The following FARS2 variants were observed in gnomAD, a reference collection of about 807,000 sequenced individuals.
The protein encoded by FARS2 is phenylalanyl-tRNA synthetase 2, mitochondrial, also known as phenylalanine--tRNA ligase, mitochondrial.
Under a neutral mutation model 46.4 loss-of-function variants are expected in FARS2, and 40 were observed. The ratio of observed to expected loss-of-function variants is 0.86; its 90% CI spans 0.67 to 1.12. FARS2 has a LOEUF of 1.12. Among genes scored for constraint, FARS2 ranks in the 50% most tolerant of loss-of-function variants. The pLI is 0.00. For missense variants in FARS2, 513 were observed against 567.9 expected (o/e 0.90, Z 0.98); for synonymous variants, 234 against 214.9 (o/e 1.09, Z -0.78).
chr6:5,371,130 G>T, intron 2 of FARS2: 1 of 926,834 alleles, frequency 1.1e-6, no homozygotes, highest in Non-Finnish European at 1.3e-6. Context: ...CTTTCTACGT[G>T]GGACCTGCTT....
At chr6:5,593,474 G>C (rs1184708248) in intron 5 of FARS2, among the ~76,000 whole-genome samples, 1 of 150,606 alleles carries the variant, frequency 6.6e-6, no homozygotes, top group African/African-American at 2.4e-5. Context: ...GTCTTTTTAT[G>C]CCCATCGTCT....
At chr6:5,259,418 C>T (rs530091188), upstream of FARS2, among the ~76,000 whole-genome samples, 20 of 152,196 alleles carry the variant, frequency 1.3e-4, no homozygotes, top group Non-Finnish European at 2.1e-4. Context: ...CATTCTCTCC[C>T]GTGAAATTTA....
intron 6 of FARS2, among the ~76,000 whole-genome samples, chr6:5,636,692 G>A (rs888899097): frequency 6.6e-6 from 1 of 152,154 alleles, no homozygotes; most frequent in Non-Finnish European, 1.5e-5. Flanking sequence ...CCTCGCCTTC[G>A]TCTGCTGGCT....
chr6:5,554,827 T>C (rs1319158164), intron 5 of FARS2, among the ~76,000 whole-genome samples: 2 of 152,158 alleles, frequency 1.3e-5, no homozygotes, highest in Non-Finnish European at 2.9e-5. Context: ...TCCAGAGAGC[T>C]CCTAATATTG....
At chr6:5,381,162 G>T (rs1024279254) in intron 2 of FARS2, among the ~76,000 whole-genome samples, 1 of 151,484 alleles carries the variant, frequency 6.6e-6, no homozygotes, top group Non-Finnish European at 1.5e-5. Flanking sequence ...CACCACACCC[G>T]GCTAATTTTT....
At chr6:5,739,958 C>A (rs1052476948) in intron 6 of FARS2, among the ~76,000 whole-genome samples, 1 of 152,218 alleles carries the variant, frequency 6.6e-6, no homozygotes, top group Non-Finnish European at 1.5e-5. Flanking sequence ...CTATTGCTGA[C>A]CCAATTATAC....
chr6:5,724,470 G>T (rs1001959433), intron 6 of FARS2, among the ~76,000 whole-genome samples: 6 of 152,230 alleles, frequency 3.9e-5, no homozygotes, highest in African/African-American at 1.4e-4. Flanking sequence ...GCCAGAGCCA[G>T]CTCTGAGTCC....
At chr6:5,624,778 T>C (rs1008124786) in intron 6 of FARS2, among the ~76,000 whole-genome samples, 17 of 152,146 alleles carry the variant, frequency 1.1e-4, no homozygotes, top group Non-Finnish European at 2.1e-4. Context: ...TGTGACATGA[T>C]ATAAGTCACA....
chr6:5,764,181 C>A lies in FARS2; in HGVS notation c.1218-7110C>A, dbSNP rs191482212. On this transcript the variant is annotated intron_variant, in intron 6 of 6. Transcript: ENST00000274680. This position sits in a 1 kb window ranked among gnomAD's most constrained non-coding sequence, Gnocchi z 4.1. Reference sequence around the variant, plus strand: ...AGCAAGTTTTGTTCGCCTCACTCTGCAGATGGAGTTATTGAGGCGAGAAGG... The same window carrying A: ...AGCAAGTTTTGTTCGCCTCACTCTGAAGATGGAGTTATTGAGGCGAGAAGG... 2.2e-3 allele frequency among the ~76,000 whole-genome samples: 328 copies of A among 152,242 alleles called. 1 individual carries two copies. Among genetic ancestry groups the A allele is most frequent in the Non-Finnish European group, 3.7e-3 (251 of 68,018 alleles).
At chr6:5,626,624 A>G (rs920863041) in intron 6 of FARS2, among the ~76,000 whole-genome samples, 3 of 152,208 alleles carry the variant, frequency 2.0e-5, no homozygotes, top group Non-Finnish European at 2.9e-5. Context: ...AGGTAAACCC[A>G]TGCAAATAAA....
rs1174077869 is a variant in FARS2 at position 5,562,090 on chromosome 6, A to AT, written c.1065+16756dup. ...TTAAAGCCTTTAGCTATTCTGTATT[A>AT]TTTTTTATCTAAAATGAGTTCATAT... On this transcript the variant is annotated intron_variant, in intron 5 of 6. Transcript: ENST00000274680. Among the ~76,000 whole-genome samples, 11 of 152,064 alleles carry AT rather than the reference A, an allele frequency of 7.2e-5. 1 individual carries two copies. The South Asian group carries it at 1.9e-3, about 26-fold the overall frequency.
chr6:5,393,822 C>T (rs1760732687), intron 2 of FARS2, among the ~76,000 whole-genome samples: 1 of 152,218 alleles, frequency 6.6e-6, no homozygotes, highest in South Asian at 2.1e-4. Flanking sequence ...TGGAGAACTG[C>T]TGAGATGCTC....
At chr6:5,654,755 C>T (rs992981208) in intron 6 of FARS2, among the ~76,000 whole-genome samples, 2 of 152,098 alleles carry the variant, frequency 1.3e-5, no homozygotes, top group Admixed American at 1.3e-4. Context: ...GACCCTTGAA[C>T]AAGTTTGAAC....
intron 4 of FARS2, among the ~76,000 whole-genome samples, chr6:5,467,866 C>A (rs1667659826): frequency 6.6e-6 from 1 of 151,908 alleles, no homozygotes; most frequent in Middle Eastern, 3.2e-3. Context: ...TGCTCATTAC[C>A]TTAAGAAAGT....
chr6:5,589,103 C>T (rs1295108019), intron 5 of FARS2, among the ~76,000 whole-genome samples: 2 of 152,196 alleles, frequency 1.3e-5, no homozygotes, highest in East Asian at 3.9e-4. Context: ...AACTGCATCT[C>T]TGATACCTTT....
intron 6 of FARS2, among the ~76,000 whole-genome samples, chr6:5,664,793 T>A (rs370441620): frequency 6.6e-6 from 1 of 152,212 alleles, no homozygotes; most frequent in East Asian, 1.9e-4. Flanking sequence ...TTCCTATGGG[T>A]CTATCATTCA....
intron 6 of FARS2, among the ~76,000 whole-genome samples, chr6:5,647,495 A>G (rs1366948568): frequency 1.3e-5 from 2 of 152,246 alleles, no homozygotes; most frequent in East Asian, 3.8e-4. Flanking sequence ...TGGAAGGCAC[A>G]TTTCCTGCCT....
At chr6:5,498,617 T>C (rs1182768516) in intron 4 of FARS2, among the ~76,000 whole-genome samples, 1 of 152,220 alleles carries the variant, frequency 6.6e-6, no homozygotes, top group African/African-American at 2.4e-5. Context: ...CATGTATTTT[T>C]TTTTTGTTTT....
intron 4 of FARS2, among the ~76,000 whole-genome samples, chr6:5,541,200 A>G (rs905353811): frequency 6.6e-6 from 1 of 152,234 alleles, no homozygotes; most frequent in African/African-American, 2.4e-5. Context: ...GTGCTGATCC[A>G]CAAACTATCA....
Sources: allele counts gnomAD v4.1 joint callset (sites outside exome capture counted in the v4.1 genomes callset), GRCh38; gene constraint gnomAD v4.1.1; non-coding constraint Gnocchi (gnomAD v3.1); transcripts MANE v1.5; gene names NCBI Gene and HGNC (gene_info 2026-07-23, HGNC 2026-07-21).